MED14: variants seen among roughly 807,000 people sequenced by gnomAD.
The protein encoded by MED14 is mediator complex subunit 14, also known as mediator of RNA polymerase II transcription subunit 14.
MED14 carries 8 observed loss-of-function variants against 109.0 expected under a neutral mutation model. The observed-to-expected ratio is 0.07, with a 90% CI of 0.04 to 0.13. The LOEUF (loss-of-function observed/expected upper bound fraction) is 0.13, where lower values mean the gene tolerates loss of function less well. Among genes scored for constraint, MED14 ranks in the 10% least tolerant of loss-of-function variants. The probability of loss-of-function intolerance (pLI) is 1.00; values close to 1 mark genes in which losing one functional copy is unlikely to be tolerated. For missense variants in MED14, 711 were observed against 1,142.4 expected (o/e 0.62, Z 5.44); for synonymous variants, 399 against 408.7 (o/e 0.98, Z 0.29).
intron 23 of MED14, among the ~76,000 whole-genome samples, chrX:40,671,183 T>A (rs760795227): frequency 1.8e-5 from 2 of 111,750 alleles, no homozygotes; most frequent in Non-Finnish European, 1.9e-5. Context: ...CCTCGCTAGA[T>A]GATAAGCTCA....
At chrX:40,720,180 CTATCTGCACACAG>C (rs1484061826) in intron 3 of MED14, among the ~76,000 whole-genome samples, 1 of 112,511 alleles carries the variant, frequency 8.9e-6, no homozygotes, top group East Asian at 2.8e-4. Context: ...GAAATTTTTA[CTATCTGCACACAG>C]AAAAGCACTG....
chrX:40,696,242 C>T (rs1421769355), intron 13 of MED14, among the ~76,000 whole-genome samples: 5 of 107,727 alleles, frequency 4.6e-5, no homozygotes, highest in Non-Finnish European at 9.6e-5. Context: ...TCACACCATT[C>T]TCCTGCCTCA....
rs192778660 is a variant in MED14, at chrX:40,659,263, G to A, written c.3936C>T (p.Ile1312=). Residue 1312 remains isoleucine, a synonymous_variant, in exon 28 of 31, where the codon ATC becomes ATT. Coordinates refer to ENST00000324817, the MANE Select transcript of MED14 (RefSeq NM_004229.4). The part of the protein sequence containing the change: ...FTKLLGAPTH[I]LRDCVHIMKL... ...TCATAATGTGCACACAATCCCTGAG[G>A]ATGTGTGTAGGAGCTCCTAATAGCT... 88 of 1,159,667 alleles carry A rather than the reference G, an allele frequency of 7.6e-5. No individual in the cohort carries two copies. The East Asian group carries it at 2.5e-3, about 33-fold the overall frequency.
At chrX:40,657,490 C>T (rs1344677107) in intron 28 of MED14, among the ~76,000 whole-genome samples, 1 of 111,314 alleles carries the variant, frequency 9.0e-6, no homozygotes, top group East Asian at 2.8e-4. Context: ...CTAAGAGAAA[C>T]GCATGGAATA....
chrX:40,723,667 GAAAAAA>G (rs56676419), intron 3 of MED14, among the ~76,000 whole-genome samples: 2 of 17,993 alleles, frequency 1.1e-4, no homozygotes, highest in East Asian at 3.8e-3. Flanking sequence ...CTCCGTCTCA[GAAAAAA>G]AAAAAAAAAA....
In MED14 at chrX:40,648,437, T is replaced by C. The variant is rs949289234; in HGVS notation, c.*3369A>G. 3 of 111,833 alleles carry C rather than the reference T, an allele frequency of 2.7e-5. No individual in the cohort carries two copies. The highest frequency in any genetic ancestry group is 5.6e-5 in the Non-Finnish European group (3 of 53,136). The allele number at this position is 111,833 out of a possible 1,213,427, so 9.2% of individuals were successfully genotyped here. Reference sequence around the variant, plus strand: ...TGTGGTTCACAGCAAAAATGTCCAGTGTTTAGGAGCACTAGCTCAGACTCA... The same window carrying C: ...TGTGGTTCACAGCAAAAATGTCCAGCGTTTAGGAGCACTAGCTCAGACTCA... On this transcript the variant is annotated 3_prime_UTR_variant, in exon 31 of 31. Transcript: ENST00000324817.
At chrX:40,697,504 T>G (rs1320110590) in intron 12 of MED14, among the ~76,000 whole-genome samples, 2 of 111,890 alleles carry the variant, frequency 1.8e-5, no homozygotes, top group Non-Finnish European at 3.8e-5. Flanking sequence ...CAGCACCAAC[T>G]AATCTCAACA....
chrX:40,709,929 G>C (rs761157776), intron 9 of MED14, 50 bp downstream of exon 9: 2 of 890,943 alleles, frequency 2.2e-6, no homozygotes, highest in Non-Finnish European at 3.1e-6. Flanking sequence ...AGGATAAATG[G>C]CAAGTTACAT....
At chrX:40,680,179 G>C (rs1012024855) in intron 20 of MED14, 46 bp from the exon 21 acceptor site, 4 of 1,154,543 alleles carry the variant, frequency 3.5e-6, no homozygotes, top group Non-Finnish European at 4.7e-6. Context: ...CTGTACAAAT[G>C]TTAAAACCTC....
chrX:40,672,013 G>A (rs767763741), intron 22 of MED14, 41 bp from the exon 23 acceptor site: 32 of 843,394 alleles, frequency 3.8e-5, no homozygotes, highest in Admixed American at 9.2e-5. Context: ...ATGGCCAACC[G>A]CACGGAGCAT....
At position 40,649,481 on chromosome X, in the gene MED14, T is replaced by C; in HGVS notation, c.*2325A>G. The C allele has an allele frequency of 2.2e-6, 1 of 454,759 alleles. No homozygotes were observed. Among genetic ancestry groups the C allele is most frequent in the Non-Finnish European group, 3.0e-6 (1 of 337,735 alleles). The allele number at this position is 454,759 out of a possible 1,213,427, so 37.5% of individuals were successfully genotyped here. A position where few individuals can be genotyped will look rare whatever the true frequency, so the allele number is the denominator to read the frequency against. On this transcript the variant is annotated 3_prime_UTR_variant, in exon 31 of 31. Transcript: ENST00000324817. ...ACCAATTTCTTATTTCAAGGTTAAATTAATACTAAACCAGACTATTAATGA... is the reference window on the plus strand; with the variant it reads ...ACCAATTTCTTATTTCAAGGTTAAACTAATACTAAACCAGACTATTAATGA...
chrX:40,668,437 T>C (rs1929600146), intron 23 of MED14, among the ~76,000 whole-genome samples: 1 of 106,620 alleles, frequency 9.4e-6, no homozygotes, highest in African/African-American at 3.4e-5. Context: ...ATACTAGACT[T>C]ATGGAGAGAC....
At position 40,713,031 on chromosome X, in the gene MED14, C is replaced by A; in HGVS notation, c.664G>T (p.Val222Leu). The A allele has an allele frequency of 8.6e-7, 1 of 1,168,634 alleles. No homozygotes were observed. The highest frequency in any genetic ancestry group is 1.2e-6 in the Non-Finnish European group (1 of 869,315). ...LANLTVANGR[V>L]KFRVEGEFEA... is the part of the protein sequence containing the mutation. The stretch of plus-strand genomic sequence containing the variant: ...AATTCTCCTTCAACACGAAACTTCA[C>A]CCGGCCATTTGCTTTTAGAAGAAAA... Residue 222 changes from valine to leucine, a missense_variant, in exon 6 of 31, where the codon GTG (valine) becomes TTG (leucine). Around this residue, in one of 8 missense-constraint regions of MED14, gnomAD observed 388 missense variants for 517.3 expected, o/e 0.75. Coordinates refer to ENST00000324817, the MANE Select transcript of MED14 (RefSeq NM_004229.4).
chrX:40,706,178 A>T (rs1018915528), intron 10 of MED14, among the ~76,000 whole-genome samples: 1 of 111,772 alleles, frequency 8.9e-6, no homozygotes, highest in Non-Finnish European at 1.9e-5. Flanking sequence ...CCCAGTAAGG[A>T]TCTTAATAAA....
At chrX:40,726,906 A>C (rs1201205821) in intron 2 of MED14, 55 bp from the exon 3 acceptor site, 4 of 973,929 alleles carry the variant, frequency 4.1e-6, no homozygotes, top group Non-Finnish European at 5.7e-6. Context: ...GTATTTCACA[A>C]TTTATTTCAG....
At chrX:40,665,568 A>G (rs1929448973) in intron 24 of MED14, among the ~76,000 whole-genome samples, 1 of 111,776 alleles carries the variant, frequency 8.9e-6, no homozygotes, top group African/African-American at 3.3e-5. Flanking sequence ...ACCAAAGACC[A>G]ACCAAAAAAG....
Position 40,671,909 on chromosome X carries a change from G to A in MED14, c.3085C>T (p.His1029Tyr), listed in dbSNP as rs779226721. ...GAGGGAGACTGATTGACTGTGCTAT[G>A]ATAAGATGTAGGGGGTGAAGTAAGA... The part of the protein sequence containing the change: ...YPLTSPPTSY[H>Y]STVNQSPSMM... Residue 1029 changes from histidine (H) to tyrosine (Y), a missense_variant, in exon 23 of 31, where the codon CAT (histidine) becomes TAT (tyrosine). By Grantham distance (83) the His-to-Tyr change is moderately conservative (BLOSUM62 2). Around this residue, in one of 8 missense-constraint regions of MED14, gnomAD observed 100 missense variants for 147.5 expected, o/e 0.68. Coordinates refer to ENST00000324817, the MANE Select transcript of MED14 (RefSeq NM_004229.4). 8.3e-7 allele frequency: 1 copy of A among 1,207,418 alleles called. No individual in the cohort carries two copies. The highest frequency in any genetic ancestry group is 1.8e-5 in the South Asian group (1 of 56,327).
intron 1 of MED14, 50 bp downstream of exon 1, chrX:40,735,145 CGGT>C: frequency 3.8e-6 from 3 of 795,103 alleles, no homozygotes; most frequent in East Asian, 1.6e-4. Context: ...ACGTCTCAGC[CGGT>C]TGGGCGGGAA....
At chrX:40,709,552 C>T in intron 9 of MED14, 93 bp from the exon 10 acceptor site, 2 of 390,527 alleles carry the variant, frequency 5.1e-6, no homozygotes, top group Non-Finnish European at 8.6e-6. Context: ...AAAATATTTC[C>T]TTTTGGAATC....
Sources: allele counts gnomAD v4.1 joint callset (sites outside exome capture counted in the v4.1 genomes callset), GRCh38; gene constraint gnomAD v4.1.1; regional missense constraint gnomAD v4.1.1; transcripts MANE v1.5; gene names NCBI Gene and HGNC (gene_info 2026-07-23, HGNC 2026-07-21).